PKN2: variants seen among roughly 807,000 people sequenced by gnomAD.
The protein encoded by PKN2 is serine/threonine-protein kinase N2.
In PKN2, 38 loss-of-function variants were observed where a neutral mutation model predicts 119.1. That is an observed-to-expected ratio of 0.32 (90% CI 0.25 to 0.42). PKN2 has a LOEUF of 0.42. PKN2 is among the 10% of genes least tolerant of loss of function. The probability of loss-of-function intolerance (pLI) is 1.00; values close to 1 mark genes in which losing one functional copy is unlikely to be tolerated. For synonymous variants in PKN2, 390 were observed against 384.9 expected, an observed-to-expected ratio of 1.01 and a Z score of -0.15; for missense variants, 850 against 1,165.1, an observed-to-expected ratio of 0.73 and a Z score of 3.94.
chr1:88,763,092 C>G (rs1669511352), intron 3 of PKN2, among the ~76,000 whole-genome samples: 1 of 152,166 alleles, frequency 6.6e-6, no homozygotes, highest in Non-Finnish European at 1.5e-5. Flanking sequence ...GAAAAGTTCT[C>G]CAGGTGATTC....
chr1:88,785,305 C>T (rs975815800), intron 7 of PKN2, among the ~76,000 whole-genome samples: 1 of 151,586 alleles, frequency 6.6e-6, no homozygotes, highest in African/African-American at 2.4e-5. Context: ...ATTTTTTTTT[C>T]TAGAGGCAGG....
chr1:88,704,798 A>T (rs2100672478), intron 1 of PKN2, among the ~76,000 whole-genome samples: 1 of 151,552 alleles, frequency 6.6e-6, no homozygotes, highest in East Asian at 1.9e-4. Flanking sequence ...AAAAAAAAAA[A>T]AAGAGTTCCA....
chr1:88,756,008 GT>G (rs1669185019), intron 2 of PKN2, among the ~76,000 whole-genome samples: 1 of 151,664 alleles, frequency 6.6e-6, no homozygotes, highest in Admixed American at 6.6e-5. Context: ...CACCTCCTGG[GT>G]TCAAGCAATT....
At chr1:88,812,216 ATCT>A (rs1308611148) in intron 15 of PKN2, among the ~76,000 whole-genome samples, 1 of 152,210 alleles carries the variant, frequency 6.6e-6, no homozygotes, top group Non-Finnish European at 1.5e-5. Context: ...TTGCTCCTTT[ATCT>A]CGCTGTCCTA....
At chr1:88,720,991 A>T (rs1667654357) in intron 1 of PKN2, among the ~76,000 whole-genome samples, 1 of 152,154 alleles carries the variant, frequency 6.6e-6, no homozygotes, top group Non-Finnish European at 1.5e-5. Flanking sequence ...TCATATACAC[A>T]CACACACCAT....
chr1:88,745,125 G>A (rs1055020739), intron 2 of PKN2, among the ~76,000 whole-genome samples: 1 of 152,134 alleles, frequency 6.6e-6, no homozygotes, highest in Admixed American at 6.5e-5. Flanking sequence ...AACACAAGAA[G>A]GTCTATATAT....
chr1:88,713,915 G>A lies in PKN2; in HGVS notation c.49-27073G>A, dbSNP rs149288378. Among the ~76,000 whole-genome samples, 964 of 152,082 alleles carry A rather than the reference G, an allele frequency of 6.3e-3. 13 individuals carry two copies. The highest frequency in any genetic ancestry group is 0.022 in the African/African-American group (916 of 41,508). The stretch of plus-strand genomic sequence containing the variant: ...TCTAGGGTTTTTATGGTTGTAGGTC[G>A]TCTAACATTTAAGTCTTTAATCCAT... On this transcript the variant is annotated intron_variant, in intron 1 of 21. Transcript: ENST00000370521.
At chr1:88,690,470 A>T (rs1046146439) in intron 1 of PKN2, among the ~76,000 whole-genome samples, 1 of 152,224 alleles carries the variant, frequency 6.6e-6, no homozygotes, top group Non-Finnish European at 1.5e-5. Flanking sequence ...AGTATATGAC[A>T]TTTAATATGA....
At chr1:88,829,319 G>GTTTTTTT in intron 19 of PKN2, 8 of 581,544 alleles carry the variant, frequency 1.4e-5, no homozygotes, top group Non-Finnish European at 1.6e-5. Flanking sequence ...GCTATCAAAA[G>GTTTTTTT]TATTCGCTAC....
intron 1 of PKN2, among the ~76,000 whole-genome samples, chr1:88,709,705 A>G (rs555329798): frequency 6.6e-6 from 1 of 152,330 alleles, no homozygotes; most frequent in South Asian, 2.1e-4. Flanking sequence ...TATCACTTGA[A>G]CAAAAGAACA....
intron 4 of PKN2, 118 bp downstream of exon 4, chr1:88,770,587 T>C (rs968465094): frequency 4.4e-5 from 28 of 633,932 alleles, no homozygotes; most frequent in Middle Eastern, 3.5e-4. Flanking sequence ...CTTTTTTTTT[T>C]TTTTCTTTTT....
intron 1 of PKN2, among the ~76,000 whole-genome samples, chr1:88,690,553 T>G (rs893747950): frequency 6.6e-6 from 1 of 152,186 alleles, no homozygotes; most frequent in African/African-American, 2.4e-5. Context: ...TTAAAAAGAT[T>G]TAAAATTTAG....
chr1:88,772,615 TTG>T (rs1469781811), intron 6 of PKN2, among the ~76,000 whole-genome samples: 1 of 152,202 alleles, frequency 6.6e-6, no homozygotes, highest in Non-Finnish European at 1.5e-5. Context: ...CTTTTGACTG[TTG>T]TGAGTAGACT....
chr1:88,690,204 G>A (rs1017898502), intron 1 of PKN2, among the ~76,000 whole-genome samples: 10 of 152,174 alleles, frequency 6.6e-5, no homozygotes, highest in Non-Finnish European at 1.5e-4. Flanking sequence ...CCAGAGCTTA[G>A]CATCTGATTC....
chr1:88,689,571 G>A (rs1666248263), intron 1 of PKN2, among the ~76,000 whole-genome samples: 1 of 152,200 alleles, frequency 6.6e-6, no homozygotes, highest in South Asian at 2.1e-4. Context: ...AGTGCTTTGG[G>A]AGGCTGAGAC....
At position 88,834,437 on chromosome 1, in the gene PKN2, T is replaced by G. The variant is rs1672861335; in HGVS notation, c.*989T>G. 6.6e-6 allele frequency: 1 copy of G among 152,462 alleles called. No homozygotes were observed. Among genetic ancestry groups the G allele is most frequent in the African/African-American group, 2.4e-5 (1 of 41,418 alleles). 9.4% of individuals were successfully genotyped at this position (152,462 alleles called of 1,614,324 possible). ...ATGTATATGTGCAAGTTTTAATGTA[T>G]TCTATGTTGTAGGCTTATTATTTAA... On this transcript the variant is annotated 3_prime_UTR_variant, in exon 22 of 22. Coordinates refer to ENST00000370521, the MANE Select transcript of PKN2 (RefSeq NM_006256.4).
At chr1:88,817,095 A>G (rs1303174412) in intron 16 of PKN2, among the ~76,000 whole-genome samples, 1 of 152,138 alleles carries the variant, frequency 6.6e-6, no homozygotes, top group African/African-American at 2.4e-5. Context: ...AGACACCACA[A>G]AAAAAGAAAA....
At chr1:88,729,770 C>T (rs1668058372) in intron 1 of PKN2, among the ~76,000 whole-genome samples, 1 of 152,104 alleles carries the variant, frequency 6.6e-6, no homozygotes, top group Non-Finnish European at 1.5e-5. Context: ...TCACTTGAGG[C>T]CATTTTGTAA....
intron 1 of PKN2, among the ~76,000 whole-genome samples, chr1:88,727,196 T>C (rs543201829): frequency 4.2e-4 from 64 of 152,184 alleles, no homozygotes; most frequent in Middle Eastern, 3.4e-3. Context: ...TCATTTTCTT[T>C]TCTTTGAAGT....
Sources: allele counts gnomAD v4.1 joint callset (sites outside exome capture counted in the v4.1 genomes callset), GRCh38; gene constraint gnomAD v4.1.1; transcripts MANE v1.5; gene names NCBI Gene and HGNC (gene_info 2026-07-23, HGNC 2026-07-21).